Variants in GSTP1 observed in about 807,000 individuals in gnomAD.
GSTP1 encodes glutathione S-transferase pi 1, also known as glutathione S-transferase P.
GSTP1 carries 28 observed loss-of-function variants against 29.4 expected under a neutral mutation model. The observed-to-expected ratio is 0.95, with a 90% CI of 0.71 to 1.30. The LOEUF is 1.30. Among genes scored for constraint, GSTP1 ranks in the 50% most tolerant of loss-of-function variants. The pLI is 0.00. For missense variants in GSTP1, 267 were observed against 266.1 expected (o/e 1.00, Z -0.02); for synonymous variants, 122 against 117.0 (o/e 1.04, Z -0.28).
At position 67,586,430 on chromosome 11, in the gene GSTP1, C is replaced by T; in HGVS notation, c.486C>T (p.Ile162=). ...ACAACCTGCTGGACTTGCTGCTGAT[C>T]CATGAGGTCCTAGCCCCTGGCTGCC... The part of the protein sequence containing the change: ...ADYNLLDLLL[I]HEVLAPGCLD... Residue 162 remains isoleucine, a synonymous_variant, in exon 7 of 7, where the codon ATC becomes ATT. Transcript: ENST00000398606. The T allele has an allele frequency of 6.2e-7, 1 of 1,614,160 alleles. No individual in the cohort carries two copies.
chr11:67,584,593 G>A, intron 3 of GSTP1, 23 bp downstream of exon 3: 1 of 1,580,012 alleles, frequency 6.3e-7, no homozygotes, highest in Non-Finnish European at 8.7e-7. Context: ...GCCCGGGCAA[G>A]GGGAGGGGGT....
chr11:67,585,269 T>A, intron 5 of GSTP1, 28 bp downstream of exon 5: 1 of 1,448,956 alleles, frequency 6.9e-7, no homozygotes, highest in Non-Finnish European at 9.7e-7. Flanking sequence ...GGTTGGGCAC[T>A]GGGGGCTGAA....
Position 67,586,444 on chromosome 11 carries a change from C to A in GSTP1, c.500C>A (p.Ala167Asp). 6.2e-7 allele frequency: 1 copy of A among 1,614,192 alleles called. No homozygotes were observed. Among genetic ancestry groups the A allele is most frequent in the African/African-American group, 1.3e-5 (1 of 75,060 alleles). ...LDLLLIHEVL[A>D]PGCLDAFPLL... The stretch of plus-strand genomic sequence containing the variant: ...TTGCTGCTGATCCATGAGGTCCTAG[C>A]CCCTGGCTGCCTGGATGCGTTCCCC... The change falls in exon 7 of 7, where the codon GCC (alanine) becomes GAC (aspartate). Residue 167 changes from alanine to aspartate, a missense_variant. By Grantham distance (126) the Ala-to-Asp change is moderately radical. Transcript: ENST00000398606.
At chr11:67,585,108 C>CG in intron 4 of GSTP1, 30 bp from the exon 5 acceptor site, 1 of 1,426,362 alleles carries the variant, frequency 7.0e-7, no homozygotes, top group Non-Finnish European at 9.9e-7. Context: ...CGCCCAGTCA[C>CG]GCGGCCTGCT....
Position 67,586,202 on chromosome 11 carries a change from G to T in GSTP1, c.435G>T (p.Val145=). ...ACCAGGGAGGCAAGACCTTCATTGT[G>T]GGAGACCAGGTGAGCATCTGGCCCC... ...SQNQGGKTFI[V]GDQISFADYN... The change falls in exon 6 of 7, where the codon GTG becomes GTT. Residue 145 remains valine, a synonymous_variant. Coordinates refer to ENST00000398606, the MANE Select transcript of GSTP1 (RefSeq NM_000852.4). 1 of 1,611,508 alleles carries T rather than the reference G, an allele frequency of 6.2e-7. No individual in the cohort carries two copies. The highest frequency in any genetic ancestry group is 8.5e-7 in the Non-Finnish European group (1 of 1,177,832).
At chr11:67,585,722 G>A (rs1867457521) in intron 5 of GSTP1, among the ~76,000 whole-genome samples, 1 of 152,080 alleles carries the variant, frequency 6.6e-6, no homozygotes, top group Admixed American at 6.6e-5. Context: ...TGTGTCGGGT[G>A]GGTAAGGAGA....
chr11:67,583,834 C>G lies in GSTP1; in HGVS notation c.-10C>G, dbSNP rs942285145. On this transcript the variant is annotated 5_prime_UTR_variant, in exon 1 of 7. Transcript: ENST00000398606. ...TTCGCTGGAGTTTCGCCGCCGCAGT[C>G]TTCGCCACCAGTGAGTACGCGCGGC... 5.3e-6 allele frequency: 4 copies of G among 747,886 alleles called. No homozygotes were observed. Among genetic ancestry groups the G allele is most frequent in the Non-Finnish European group, 9.9e-6 (4 of 405,834 alleles). The allele number at this position is 747,886 out of a possible 1,614,324, so 46.3% of individuals were successfully genotyped here.
At chr11:67,585,845 G>A (rs1253478983) in intron 5 of GSTP1, among the ~76,000 whole-genome samples, 2 of 152,132 alleles carry the variant, frequency 1.3e-5, no homozygotes, top group East Asian at 1.9e-4. Flanking sequence ...GTGTCTGAAT[G>A]TGAGGTCTAG....
In GSTP1 at chr11:67,586,178, C is replaced by T. The variant is rs1213565628; in HGVS notation, c.411C>T (p.Asn137=). The T allele has an allele frequency of 2.5e-6, 4 of 1,613,706 alleles. No individual in the cohort carries two copies. Among genetic ancestry groups the T allele is most frequent in the African/African-American group, 1.3e-5 (1 of 74,888 alleles). Residue 137 remains asparagine (N), a synonymous_variant, in exon 6 of 7, where the codon AAC becomes AAT. Coordinates refer to ENST00000398606, the MANE Select transcript of GSTP1 (RefSeq NM_000852.4). ...LKPFETLLSQ[N]QGGKTFIVGD... ...CTTTTGAGACCCTGCTGTCCCAGAA[C>T]CAGGGAGGCAAGACCTTCATTGTGG... is the stretch of plus-strand genomic sequence containing the variant.
chr11:67,584,035 G>T (rs1867422185), intron 1 of GSTP1, 99 bp from the exon 2 acceptor site: 2 of 986,712 alleles, frequency 2.0e-6, no homozygotes, highest in Admixed American at 2.1e-5. Flanking sequence ...GCCTCGGGGA[G>T]GGATGGGACC....
chr11:67,584,621 T>G lies in GSTP1; in HGVS notation c.144+51T>G, dbSNP rs570140337. On this transcript the variant is annotated intron_variant, in intron 3 of 6. Coordinates refer to ENST00000398606, the MANE Select transcript of GSTP1 (RefSeq NM_000852.4). ...GAGGGGGTGCTGGGCCTTAGGGGGC[T>G]GTGACTAGGATCGGGGGACGCCCAA... The G allele has an allele frequency of 3.2e-6, 5 of 1,568,914 alleles. No homozygotes were observed. The African/African-American group carries it at 6.8e-5, about 21-fold the overall frequency.
intron 1 of GSTP1, 71 bp downstream of exon 1, chr11:67,583,915 C>A (rs1397751021): frequency 2.9e-6 from 2 of 681,862 alleles, no homozygotes; most frequent in Non-Finnish European, 5.4e-6. Flanking sequence ...CCCGCAGCAT[C>A]AGGCCCGGGC....
In GSTP1 at chr11:67,586,414, T is replaced by C. The variant is rs1423718825; in HGVS notation, c.470T>C (p.Leu157Pro). 6.2e-7 allele frequency: 1 copy of C among 1,614,110 alleles called. No homozygotes were observed. Residue 157 changes from leucine (L) to proline (P), a missense_variant, in exon 7 of 7, where the codon CTG (leucine) becomes CCG (proline). Transcript: ENST00000398606. ...ATCTCCTTCGCTGACTACAACCTGC[T>C]GGACTTGCTGCTGATCCATGAGGTC... ...DQISFADYNLLDLLLIHEVLA... is the reference protein window; with the variant it reads ...DQISFADYNLPDLLLIHEVLA...
In GSTP1 at chr11:67,586,192, CCTT is replaced by C; in HGVS notation, c.427_429del (p.Phe143del). On this transcript the variant is annotated inframe_deletion, in exon 6 of 7. Coordinates refer to ENST00000398606, the MANE Select transcript of GSTP1 (RefSeq NM_000852.4). ...CTGTCCCAGAACCAGGGAGGCAAGA[CCTT>C]CATTGTGGGAGACCAGGTGAGCATC... The C allele has an allele frequency of 1.2e-6, 2 of 1,613,216 alleles. No homozygotes were observed.
rs752233998 is a variant in GSTP1, at chr11:67,586,491, C to T, written c.547C>T (p.Arg183Cys). 1.5e-5 allele frequency: 24 copies of T among 1,614,024 alleles called. No individual in the cohort carries two copies. Among genetic ancestry groups the T allele is most frequent in the African/African-American group, 4.0e-5 (3 of 74,944 alleles). Residue 183 changes from arginine to cysteine, a missense_variant, in exon 7 of 7, where the codon CGC (arginine) becomes TGC (cysteine). Transcript: ENST00000398606. ...CCCCCTGCTCTCAGCATATGTGGGG[C>T]GCCTCAGTGCCCGGCCCAAGCTCAA... ...AFPLLSAYVG[R>C]LSARPKLKAF...
intron 5 of GSTP1, among the ~76,000 whole-genome samples, chr11:67,585,711 T>G (rs1016840018): frequency 6.6e-6 from 1 of 151,756 alleles, no homozygotes; most frequent in African/African-American, 2.4e-5. Flanking sequence ...ACGCTTGCAT[T>G]TGTGTCGGGT....
chr11:67,584,228 C>T, intron 2 of GSTP1, 59 bp downstream of exon 2: 1 of 1,338,610 alleles, frequency 7.5e-7, no homozygotes, highest in Middle Eastern at 1.8e-4. Flanking sequence ...GCCCACAGCC[C>T]CTCGCCCACC....
chr11:67,584,679 C>T lies in GSTP1; in HGVS notation c.145-6C>T. The T allele has an allele frequency of 6.2e-7, 1 of 1,612,526 alleles. No individual in the cohort carries two copies. Among genetic ancestry groups the T allele is most frequent in the Non-Finnish European group, 8.5e-7 (1 of 1,178,736 alleles). ...GCCCCTCCCTGAGCCATGCCTCCCCCAACAGCTATACGGGCAGCTCCCCAA... is the reference window on the plus strand; with the variant it reads ...GCCCCTCCCTGAGCCATGCCTCCCCTAACAGCTATACGGGCAGCTCCCCAA... On this transcript the variant is annotated splice_polypyrimidine_tract_variant and splice_region_variant and intron_variant, in intron 3 of 6. Coordinates refer to ENST00000398606, the MANE Select transcript of GSTP1 (RefSeq NM_000852.4).
At chr11:67,585,055 G>GC (rs1021403110) in intron 4 of GSTP1, 83 bp from the exon 5 acceptor site, 35 of 836,944 alleles carry the variant, frequency 4.2e-5, no homozygotes, top group Non-Finnish European at 6.7e-5. Flanking sequence ...CTCACAGACA[G>GC]CCCCCTGGTT....
Sources: gnomAD v4.1 joint callset for allele counts (sites outside exome capture counted in the v4.1 genomes callset) on GRCh38, gnomAD v4.1.1 for gene constraint, MANE v1.5 for transcripts, NCBI Gene and HGNC (gene_info 2026-07-23, HGNC 2026-07-21) for gene names.